Variants in PALM2AKAP2 observed in about 807,000 individuals in gnomAD.
PALM2AKAP2 encodes the protein PALM2-AKAP2 fusion protein.
Under a neutral mutation model 71.5 loss-of-function variants are expected in PALM2AKAP2, and 37 were observed. The ratio of observed to expected loss-of-function variants is 0.52; its 90% CI spans 0.40 to 0.68. PALM2AKAP2 has a LOEUF of 0.68. PALM2AKAP2 is among the 30% of genes least tolerant of loss of function. The pLI, the probability that PALM2AKAP2 is intolerant of heterozygous loss-of-function variation, is 0.00. For missense variants in PALM2AKAP2, 1,224 were observed against 1,191.8 expected, an observed-to-expected ratio of 1.03 and a Z score of -0.40; for synonymous variants, 468 against 478.8, an observed-to-expected ratio of 0.98 and a Z score of 0.29.
chr9:110,096,330 C>T (rs1020673362), intron 1 of PALM2AKAP2, among the ~76,000 whole-genome samples: 1 of 151,854 alleles, frequency 6.6e-6, no homozygotes, highest in Non-Finnish European at 1.5e-5. Context: ...GTAGCAGGTT[C>T]ATATGTCACT....
chr9:109,806,753 G>C (rs907442668), intron 1 of PALM2AKAP2, among the ~76,000 whole-genome samples: 5 of 152,202 alleles, frequency 3.3e-5, no homozygotes, highest in African/African-American at 1.2e-4. Context: ...AGTGTGGCAG[G>C]TGGGGAGTGG....
At chr9:110,095,140 G>A (rs1014916339) in intron 1 of PALM2AKAP2, among the ~76,000 whole-genome samples, 3 of 152,242 alleles carry the variant, frequency 2.0e-5, no homozygotes, top group Admixed American at 6.5e-5. Context: ...CCTTTTTGAC[G>A]GCTGGGCTTT....
At chr9:109,674,198 C>G (rs1381946869) in intron 1 of PALM2AKAP2, among the ~76,000 whole-genome samples, 1 of 151,782 alleles carries the variant, frequency 6.6e-6, no homozygotes, top group African/African-American at 2.4e-5. Flanking sequence ...GATTTCATAT[C>G]TTTCCTAAGT....
intron 3 of PALM2AKAP2, among the ~76,000 whole-genome samples, chr9:109,894,043 A>AAAG (rs1564198616): frequency 1.3e-5 from 2 of 150,998 alleles, no homozygotes; most frequent in Non-Finnish European, 1.5e-5. Context: ...AAAAAAAAAA[A>AAAG]AAGAAGCATC....
At chr9:109,788,588 C>A (rs1827026916) in intron 1 of PALM2AKAP2, among the ~76,000 whole-genome samples, 1 of 152,134 alleles carries the variant, frequency 6.6e-6, no homozygotes, top group Non-Finnish European at 1.5e-5. Context: ...GGGGAACACA[C>A]TTTGAAAACG....
intron 6 of PALM2AKAP2, among the ~76,000 whole-genome samples, chr9:109,974,805 G>T (rs1161083895): frequency 6.6e-6 from 1 of 152,152 alleles, no homozygotes; most frequent in East Asian, 1.9e-4. Flanking sequence ...CATGTGTGCT[G>T]GGAAATAGGT....
At chr9:109,933,280 GGGTACACTTCTGA>G (rs1197869336) in intron 6 of PALM2AKAP2, among the ~76,000 whole-genome samples, 2 of 152,162 alleles carry the variant, frequency 1.3e-5, no homozygotes, top group African/African-American at 2.4e-5. Context: ...AAGTACTCCA[GGGTACACTTCTGA>G]GGTACACTTC....
chr9:110,025,399 C>CTTTT, intron 7 of PALM2AKAP2: 2 of 670,352 alleles, frequency 3.0e-6, no homozygotes, highest in Non-Finnish European at 5.2e-6. Context: ...GCCCGAAAGG[C>CTTTT]TTTTTTTTTT....
At chr9:109,707,022 T>TA (rs1487615705) in intron 1 of PALM2AKAP2, among the ~76,000 whole-genome samples, 1 of 152,226 alleles carries the variant, frequency 6.6e-6, no homozygotes, top group Admixed American at 6.5e-5. Context: ...ACTAGTACAC[T>TA]AAGTGAGTGA....
At chr9:110,097,495 G>A (rs1834879023) in intron 1 of PALM2AKAP2, among the ~76,000 whole-genome samples, 1 of 152,156 alleles carries the variant, frequency 6.6e-6, no homozygotes, top group Non-Finnish European at 1.5e-5. Context: ...GTGGTGGCCG[G>A]GCAGAGACGC....
chr9:110,046,239 C>G (rs1472524442), upstream of PALM2AKAP2, among the ~76,000 whole-genome samples: 1 of 152,016 alleles, frequency 6.6e-6, no homozygotes, highest in Non-Finnish European at 1.5e-5. Context: ...ATGTACCAAG[C>G]CTTTTATATT....
rs1356101368 is a variant in PALM2AKAP2 at position 109,880,686 on chromosome 9, G to A, written c.257+5G>A. 4.3e-6 allele frequency: 7 copies of A among 1,613,546 alleles called. No homozygotes were observed. The highest frequency in any genetic ancestry group is 5.9e-6 in the Non-Finnish European group (7 of 1,179,736). On this transcript the variant is annotated splice_donor_5th_base_variant and intron_variant, in intron 3 of 9. Transcript: ENST00000302798. ...ACTTGAAGATAACATTCAGAGGTAG[G>A]TGGCTTCCAGCCCAGGGAACCCATG...
chr9:109,881,375 G>A (rs995204634), intron 3 of PALM2AKAP2, among the ~76,000 whole-genome samples: 5 of 152,058 alleles, frequency 3.3e-5, no homozygotes, highest in African/African-American at 9.7e-5. Context: ...TTCCTCCTTC[G>A]GGTCAGGTTG....
At chr9:110,126,734 C>T (rs1835614436) in intron 1 of PALM2AKAP2, among the ~76,000 whole-genome samples, 1 of 152,246 alleles carries the variant, frequency 6.6e-6, no homozygotes, top group South Asian at 2.1e-4. Flanking sequence ...AGCTTCCTTC[C>T]TTTCCTCCCC....
Position 109,659,129 on chromosome 9 carries a change from G to A in PALM2AKAP2, c.5+18263G>A, listed in dbSNP as rs184813831. On this transcript the variant is annotated intron_variant, in intron 1 of 6. Transcript: ENST00000374531. ...TTCATATCCTAAAAATGGTAAAAAT[G>A]CTATGTAATGGGATTTTTTTGTGTG... is the stretch of plus-strand genomic sequence containing the variant. Among the ~76,000 whole-genome samples the A allele has an allele frequency of 6.0e-3, 907 of 149,988 alleles. 18 individuals carry two copies. Among genetic ancestry groups the A allele is most frequent in the Non-Finnish European group, 4.4e-3 (297 of 67,976 alleles).
intron 1 of PALM2AKAP2, among the ~76,000 whole-genome samples, chr9:110,110,241 C>T (rs925143255): frequency 6.6e-6 from 1 of 151,956 alleles, no homozygotes; most frequent in African/African-American, 2.4e-5. Context: ...ATAAATAGTC[C>T]GAGGGACATT....
chr9:109,733,534 T>G (rs922695411), intron 1 of PALM2AKAP2, among the ~76,000 whole-genome samples: 15 of 152,298 alleles, frequency 9.8e-5, no homozygotes, highest in African/African-American at 3.4e-4. Context: ...GCCTTTCCCC[T>G]TCCGTAGTCC....
chr9:109,913,340 A>G (rs1176892126), intron 3 of PALM2AKAP2, among the ~76,000 whole-genome samples: 1 of 152,216 alleles, frequency 6.6e-6, no homozygotes, highest in African/African-American at 2.4e-5. Flanking sequence ...TTCAGCTGGC[A>G]AAGGCTCTGG....
At chr9:109,974,449 G>A (rs1264848936) in intron 6 of PALM2AKAP2, among the ~76,000 whole-genome samples, 1 of 151,416 alleles carries the variant, frequency 6.6e-6, no homozygotes, top group Non-Finnish European at 1.5e-5. Context: ...AGCCATGCAT[G>A]CTGAAAAAAA....
Sources: gnomAD v4.1 joint callset for allele counts (sites outside exome capture counted in the v4.1 genomes callset) on GRCh38, gnomAD v4.1.1 for gene constraint, MANE v1.5 for transcripts, NCBI Gene and HGNC (gene_info 2026-07-23, HGNC 2026-07-21) for gene names.